Variants in SEMA3A observed in about 807,000 individuals in gnomAD.
The protein encoded by SEMA3A is semaphorin 3A, also known as semaphorin-3A.
In SEMA3A, 29 loss-of-function variants were observed where a neutral mutation model predicts 97.9. The ratio of observed to expected loss-of-function variants is 0.30; its 90% CI spans 0.22 to 0.40. The LOEUF is 0.40. SEMA3A is among the 10% of genes least tolerant of loss of function. SEMA3A has a pLI of 1.00. For missense variants in SEMA3A, 763 were observed against 951.3 expected, an observed-to-expected ratio of 0.80 and a Z score of 2.60; for synonymous variants, 321 against 323.7, an observed-to-expected ratio of 0.99 and a Z score of 0.09.
intron 3 of SEMA3A, among the ~76,000 whole-genome samples, chr7:84,201,077 G>C (rs1218032442): frequency 2.4e-4 from 37 of 152,046 alleles, no homozygotes; most frequent in Admixed American, 2.4e-3. Context: ...AATAAACAAA[G>C]TGAAGAGACT....
intron 1 of SEMA3A, among the ~76,000 whole-genome samples, chr7:84,167,871 G>T (rs1401653728): frequency 1.3e-5 from 2 of 152,134 alleles, no homozygotes; most frequent in African/African-American, 2.4e-5. Flanking sequence ...GCTCAATTTT[G>T]TAAAGGATTC....
At chr7:84,017,437 G>C (rs1026539261) in intron 6 of SEMA3A, among the ~76,000 whole-genome samples, 2 of 152,098 alleles carry the variant, frequency 1.3e-5, no homozygotes, top group Non-Finnish European at 1.5e-5. Flanking sequence ...AAAAATAGAA[G>C]TATGCACAGA....
chr7:84,301,995 A>G (rs983188530), intron 3 of SEMA3A, among the ~76,000 whole-genome samples: 12 of 152,210 alleles, frequency 7.9e-5, no homozygotes, highest in African/African-American at 2.9e-4. Context: ...TAGGAAAGCA[A>G]TTCACAAAGG....
At chr7:84,189,454 T>C (rs1201850003) in intron 1 of SEMA3A, among the ~76,000 whole-genome samples, 1 of 151,806 alleles carries the variant, frequency 6.6e-6, no homozygotes, top group East Asian at 1.9e-4. Flanking sequence ...CTTTAGATTT[T>C]GAAATTCTTC....
At chr7:84,295,973 C>G (rs572734730) in intron 3 of SEMA3A, among the ~76,000 whole-genome samples, 2 of 152,014 alleles carry the variant, frequency 1.3e-5, no homozygotes, top group Non-Finnish European at 2.9e-5. Context: ...AGCAAGAAAT[C>G]ATGAAAATGA....
intron 3 of SEMA3A, among the ~76,000 whole-genome samples, chr7:84,246,831 ATCAG>A (rs1799486913): frequency 6.6e-6 from 1 of 152,138 alleles, no homozygotes; most frequent in Non-Finnish European, 1.5e-5. Flanking sequence ...TAAGGGAGTC[ATCAG>A]AATGATTTAT....
intron 1 of SEMA3A, among the ~76,000 whole-genome samples, chr7:84,435,518 G>A (rs1159321774): frequency 6.6e-6 from 1 of 152,216 alleles, no homozygotes; most frequent in African/African-American, 2.4e-5. Context: ...TGAGGCAGGA[G>A]ATTCGCTTGA....
At chr7:84,028,183 G>C (rs1377236549) in intron 6 of SEMA3A, among the ~76,000 whole-genome samples, 1 of 151,964 alleles carries the variant, frequency 6.6e-6, no homozygotes, top group East Asian at 1.9e-4. Flanking sequence ...GGAAGACAAA[G>C]GTTTATAGCT....
intron 14 of SEMA3A, among the ~76,000 whole-genome samples, chr7:83,979,269 G>A (rs1256359268): frequency 6.6e-6 from 1 of 151,950 alleles, no homozygotes; most frequent in Admixed American, 6.6e-5. Context: ...AAATAGCTGG[G>A]ATTACAGGCA....
At chr7:83,989,920 T>G (rs1789826548) in intron 12 of SEMA3A, among the ~76,000 whole-genome samples, 1 of 151,342 alleles carries the variant, frequency 6.6e-6, no homozygotes, top group African/African-American at 2.4e-5. Flanking sequence ...TAGAACTAGT[T>G]TACAGTCCCA....
At chr7:84,077,149 C>T (rs568845883) in intron 4 of SEMA3A, among the ~76,000 whole-genome samples, 46 of 152,096 alleles carry the variant, frequency 3.0e-4, no homozygotes, top group African/African-American at 1.1e-3. Flanking sequence ...CAACATTTTG[C>T]CCCAGTGAGA....
intron 3 of SEMA3A, among the ~76,000 whole-genome samples, chr7:84,127,831 C>T (rs1418693810): frequency 1.3e-5 from 2 of 152,144 alleles, no homozygotes; most frequent in African/African-American, 4.8e-5. Context: ...TACACATGTA[C>T]AGTTTGATTT....
At chr7:84,121,562 A>G (rs1414546016) in intron 3 of SEMA3A, among the ~76,000 whole-genome samples, 2 of 146,420 alleles carry the variant, frequency 1.4e-5, no homozygotes, top group Non-Finnish European at 3.0e-5. Context: ...TTGGCTGCAT[A>G]GTATTCCACG....
intron 3 of SEMA3A, among the ~76,000 whole-genome samples, chr7:84,233,096 C>T (rs1799152141): frequency 6.6e-6 from 1 of 151,962 alleles, no homozygotes; most frequent in South Asian, 2.1e-4. Flanking sequence ...TTTCCATTAC[C>T]CATTGCCTGA....
chr7:83,962,232 A>G (rs1240145317), intron 16 of SEMA3A, among the ~76,000 whole-genome samples: 1 of 152,144 alleles, frequency 6.6e-6, no homozygotes, highest in Non-Finnish European at 1.5e-5. Context: ...ATTTATAATA[A>G]GATTTCCAAA....
Position 83,961,546 on chromosome 7 carries a change from T to C in SEMA3A, c.2141A>G (p.Asn714Ser), listed in dbSNP as rs551810272. The C allele has an allele frequency of 2.9e-5, 47 of 1,614,128 alleles. 1 individual carries two copies. The highest frequency in any genetic ancestry group is 3.3e-4 in the Middle Eastern group (2 of 6,062). The change falls in exon 17 of 17, where the codon AAT becomes AGT. Residue 714 changes from asparagine (N) to serine (S), a missense_variant. Asn to Ser is a conservative substitution (Grantham distance 46). Transcript: ENST00000265362. ...ACAGAACTCATCCATTGTGTTGAGA[T>C]TGGGGTGGTTGATGAGCTGCATGAA... ...RDFMQLINHP[N>S]LNTMDEFCEQ...
At chr7:84,454,461 A>C (rs1240660960) in intron 1 of SEMA3A, among the ~76,000 whole-genome samples, 1 of 152,136 alleles carries the variant, frequency 6.6e-6, no homozygotes, top group Non-Finnish European at 1.5e-5. Context: ...TGACACTGGC[A>C]AGTCTGAGCA....
chr7:83,969,543 C>G (rs892456166), intron 15 of SEMA3A, among the ~76,000 whole-genome samples: 1 of 152,056 alleles, frequency 6.6e-6, no homozygotes, highest in Non-Finnish European at 1.5e-5. Flanking sequence ...GAATTTAAAA[C>G]CTGAAATCTC....
At chr7:84,399,138 T>C (rs1436518732) in intron 1 of SEMA3A, among the ~76,000 whole-genome samples, 10 of 152,022 alleles carry the variant, frequency 6.6e-5, no homozygotes, top group Non-Finnish European at 4.4e-5. Flanking sequence ...AAAAGCACGG[T>C]GAGTGTGGGA....
Sources: allele counts gnomAD v4.1 joint callset (sites outside exome capture counted in the v4.1 genomes callset), GRCh38; gene constraint gnomAD v4.1.1; transcripts MANE v1.5; gene names NCBI Gene and HGNC (gene_info 2026-07-23, HGNC 2026-07-21).